Variants in DYNC1I1 observed in about 807,000 individuals in gnomAD.
DYNC1I1 encodes the protein cytoplasmic dynein 1 intermediate chain 1.
In DYNC1I1, 43 loss-of-function variants were observed where a neutral mutation model predicts 86.6. The ratio of observed to expected loss-of-function variants is 0.50; its 90% CI spans 0.39 to 0.64. The LOEUF is 0.64. Among genes scored for constraint, DYNC1I1 ranks in the 30% least tolerant of loss-of-function variants. DYNC1I1 has a pLI of 0.00. For missense variants in DYNC1I1, 604 were observed against 788.8 expected (o/e 0.77, Z 2.81); for synonymous variants, 262 against 283.7 (o/e 0.92, Z 0.77).
At chr7:95,781,956 A>G (rs971418701) in intron 1 of DYNC1I1, among the ~76,000 whole-genome samples, 1 of 152,178 alleles carries the variant, frequency 6.6e-6, no homozygotes, top group Non-Finnish European at 1.5e-5. Flanking sequence ...ATGATGCAAC[A>G]AAAAATAACT....
chr7:95,852,563 A>G (rs886108699), intron 5 of DYNC1I1, among the ~76,000 whole-genome samples: 1 of 151,894 alleles, frequency 6.6e-6, no homozygotes, highest in Admixed American at 6.6e-5. Flanking sequence ...GCTGGAGGTA[A>G]TGGCACAATC....
chr7:95,875,754 G>T (rs1790293825), intron 6 of DYNC1I1, among the ~76,000 whole-genome samples: 1 of 152,218 alleles, frequency 6.6e-6, no homozygotes, highest in East Asian at 1.9e-4. Flanking sequence ...CTGGCACCCT[G>T]TGTTAGAGTG....
chr7:95,951,582 A>C (rs745377558), intron 6 of DYNC1I1, among the ~76,000 whole-genome samples: 19 of 152,232 alleles, frequency 1.2e-4, no homozygotes, highest in Non-Finnish European at 1.9e-4. Flanking sequence ...ATTACAGATT[A>C]AGATTAAAAT....
chr7:96,035,190 A>G (rs772467446), intron 12 of DYNC1I1, among the ~76,000 whole-genome samples: 3 of 152,230 alleles, frequency 2.0e-5, no homozygotes, highest in Non-Finnish European at 4.4e-5. Context: ...CATGGAGGAC[A>G]CATACTCCTG....
At chr7:96,044,752 G>T (rs920124378) in intron 14 of DYNC1I1, among the ~76,000 whole-genome samples, 2 of 152,168 alleles carry the variant, frequency 1.3e-5, no homozygotes, top group African/African-American at 4.8e-5. Flanking sequence ...AATGCTGTAG[G>T]GGGTTAAATA....
chr7:95,891,979 T>C (rs79697734), intron 6 of DYNC1I1, among the ~76,000 whole-genome samples: 1 of 143,546 alleles, frequency 7.0e-6, no homozygotes. Context: ...CTTTTTTTTT[T>C]CTTTTTGAGA....
At chr7:95,908,089 G>A (rs1791223237) in intron 6 of DYNC1I1, among the ~76,000 whole-genome samples, 1 of 152,048 alleles carries the variant, frequency 6.6e-6, no homozygotes, top group Non-Finnish European at 1.5e-5. Flanking sequence ...GCAGTCATGG[G>A]TATCTTATTT....
At chr7:95,828,768 A>G (rs564328801) in intron 5 of DYNC1I1, among the ~76,000 whole-genome samples, 2 of 152,186 alleles carry the variant, frequency 1.3e-5, no homozygotes, top group Non-Finnish European at 2.9e-5. Context: ...CTTGGAGTGG[A>G]ATAAAACACA....
chr7:95,804,697 A>T, intron 1 of DYNC1I1, 24 bp from the exon 2 acceptor site: 1 of 1,546,824 alleles, frequency 6.5e-7, no homozygotes, highest in South Asian at 1.2e-5. Flanking sequence ...ATATATGTTC[A>T]CTTTTTTTTT....
rs569396496 is a variant in DYNC1I1 at position 95,819,973 on chromosome 7, G to A, written c.314+6636G>A. On this transcript the variant is annotated intron_variant, in intron 4 of 16. Transcript: ENST00000447467. Reference sequence around the variant, plus strand: ...GCTTGCTTGACAGCAGGACTTTTGTGTAAGATTTTGGGAAAACATGCTCTT... The same window carrying A: ...GCTTGCTTGACAGCAGGACTTTTGTATAAGATTTTGGGAAAACATGCTCTT... Among the ~76,000 whole-genome samples, 6 of 152,254 alleles carry A rather than the reference G, an allele frequency of 3.9e-5. No homozygotes were observed. The South Asian group carries it at 8.3e-4, about 21-fold the overall frequency.
At chr7:95,931,484 T>C (rs967307008) in intron 6 of DYNC1I1, among the ~76,000 whole-genome samples, 2 of 141,686 alleles carry the variant, frequency 1.4e-5, no homozygotes, top group African/African-American at 5.4e-5. Flanking sequence ...AATCTAATAA[T>C]ACTGATAAAG....
At chr7:96,089,714 A>G (rs567671888) in intron 16 of DYNC1I1, among the ~76,000 whole-genome samples, 3 of 152,226 alleles carry the variant, frequency 2.0e-5, no homozygotes, top group East Asian at 3.9e-4. Flanking sequence ...CACTATAGAT[A>G]TGGTAAATCA....
At chr7:95,936,400 C>A (rs1007556825) in intron 6 of DYNC1I1, among the ~76,000 whole-genome samples, 6 of 151,826 alleles carry the variant, frequency 4.0e-5, no homozygotes, top group African/African-American at 1.4e-4. Context: ...AAAATAAGAT[C>A]CTAGAATATC....
At chr7:95,969,093 C>T (rs146369264) in intron 6 of DYNC1I1, among the ~76,000 whole-genome samples, 6 of 152,308 alleles carry the variant, frequency 3.9e-5, no homozygotes, top group African/African-American at 1.4e-4. Context: ...CACCTTCCCA[C>T]ATCCCATAAA....
chr7:96,077,653 A>G (rs57533310), intron 15 of DYNC1I1, among the ~76,000 whole-genome samples: 4,197 of 152,272 alleles, frequency 0.028, 206 homozygotes, highest in African/African-American at 0.095. Flanking sequence ...CAACCAAAAA[A>G]ACTAACATTT....
At chr7:95,847,936 C>T (rs566534051) in intron 5 of DYNC1I1, among the ~76,000 whole-genome samples, 3 of 152,236 alleles carry the variant, frequency 2.0e-5, no homozygotes, top group East Asian at 1.9e-4. Context: ...ATGTGACTCA[C>T]CCATGTTGGC....
At chr7:95,805,327 C>T (rs1223578067) in intron 2 of DYNC1I1, among the ~76,000 whole-genome samples, 1 of 152,058 alleles carries the variant, frequency 6.6e-6, no homozygotes, top group East Asian at 1.9e-4. Context: ...AAAACTATGC[C>T]AATGGATTTC....
chr7:96,096,160 A>G (rs1427574383), intron 16 of DYNC1I1, among the ~76,000 whole-genome samples: 1 of 152,140 alleles, frequency 6.6e-6, no homozygotes, highest in Non-Finnish European at 1.5e-5. Context: ...TTGCACAATG[A>G]AGTTGCCACT....
At chr7:96,045,157 C>T (rs908682538) in intron 14 of DYNC1I1, among the ~76,000 whole-genome samples, 2 of 151,834 alleles carry the variant, frequency 1.3e-5, no homozygotes, top group African/African-American at 4.8e-5. Flanking sequence ...ATTGGATGCC[C>T]CTATAAGATC....
Sources: gnomAD v4.1 joint callset for allele counts (sites outside exome capture counted in the v4.1 genomes callset) on GRCh38, gnomAD v4.1.1 for gene constraint, MANE v1.5 for transcripts, NCBI Gene and HGNC (gene_info 2026-07-23, HGNC 2026-07-21) for gene names.